The following CACHD1 variants were observed in gnomAD, a reference collection of about 807,000 sequenced individuals.
The protein encoded by CACHD1 is cache domain containing 1, also known as VWFA and cache domain-containing protein 1.
CACHD1 carries 71 observed loss-of-function variants against 138.7 expected under a neutral mutation model. The ratio of observed to expected loss-of-function variants is 0.51; its 90% CI spans 0.42 to 0.62. The LOEUF (loss-of-function observed/expected upper bound fraction) is 0.62. CACHD1 is among the 20% of genes least tolerant of loss of function. The pLI is 0.00. For synonymous variants in CACHD1, 578 were observed against 591.5 expected (o/e 0.98, Z 0.33); for missense variants, 1,389 against 1,625.3 (o/e 0.85, Z 2.50).
At chr1:64,627,235 T>C (rs1025084649) in intron 4 of CACHD1, among the ~76,000 whole-genome samples, 9 of 152,106 alleles carry the variant, frequency 5.9e-5, no homozygotes, top group Admixed American at 5.2e-4. Context: ...AGTGACACCC[T>C]GTCTCTACAA....
intron 2 of CACHD1, among the ~76,000 whole-genome samples, chr1:64,559,997 T>C (rs1646826885): frequency 6.6e-6 from 1 of 152,194 alleles, no homozygotes; most frequent in African/African-American, 2.4e-5. Flanking sequence ...TAAAGGTGTT[T>C]GTAATAATCT....
At chr1:64,689,828 A>G (rs1650490474) in intron 26 of CACHD1, among the ~76,000 whole-genome samples, 1 of 152,182 alleles carries the variant, frequency 6.6e-6, no homozygotes, top group South Asian at 2.1e-4. Flanking sequence ...CAACTAAAAT[A>G]TACATTCTCT....
chr1:64,600,202 C>G (rs1220558318), intron 3 of CACHD1, among the ~76,000 whole-genome samples: 1 of 152,152 alleles, frequency 6.6e-6, no homozygotes, highest in Non-Finnish European at 1.5e-5. Context: ...ATCAGAAGAT[C>G]CGGTGTCTTC....
At chr1:64,561,818 G>A (rs1473915169) in intron 2 of CACHD1, among the ~76,000 whole-genome samples, 5 of 145,486 alleles carry the variant, frequency 3.4e-5, no homozygotes, top group Admixed American at 2.8e-4. Flanking sequence ...TGATGATGCC[G>A]CTGCACTCCA....
intron 1 of CACHD1, among the ~76,000 whole-genome samples, chr1:64,471,699 C>T (rs1646145872): frequency 1.3e-5 from 2 of 152,152 alleles, no homozygotes; most frequent in African/African-American, 2.4e-5. Context: ...TCGTGTGTGC[C>T]TTTTTGGGTC....
At chr1:64,621,348 C>T (rs922160639) in intron 4 of CACHD1, among the ~76,000 whole-genome samples, 37 of 152,230 alleles carry the variant, frequency 2.4e-4, no homozygotes, top group African/African-American at 8.9e-4. Context: ...TGACTTATAT[C>T]TTCTAAGTCA....
rs146353530 is a variant in CACHD1, at chr1:64,579,642, A to G, written c.262-2514A>G. Among the ~76,000 whole-genome samples the G allele has an allele frequency of 2.6e-5, 4 of 152,310 alleles. No homozygotes were observed. The East Asian group carries it at 7.7e-4, about 29-fold the overall frequency. On this transcript the variant is annotated intron_variant, in intron 2 of 26. Coordinates refer to ENST00000651257, the MANE Select transcript of CACHD1 (RefSeq NM_020925.4). ...ACTTGCTTCTTGATGGAGCTTCCAG[A>G]AATACATATTGTTGTATATTTTAAA...
rs549772346 is a variant in CACHD1 at position 64,624,728 on chromosome 1, C to T, written c.518-4627C>T. Among the ~76,000 whole-genome samples, 1,302 of 152,268 alleles carry T rather than the reference C, an allele frequency of 8.6e-3. 10 individuals carry two copies. Among genetic ancestry groups the T allele is most frequent in the Non-Finnish European group, 0.013 (906 of 68,016 alleles). On this transcript the variant is annotated intron_variant, in intron 4 of 26. Coordinates refer to ENST00000651257, the MANE Select transcript of CACHD1 (RefSeq NM_020925.4). ...AAAAACAAGCTCCCTGAGCCTGTTTCCTCAGCTGTCACTTGGAGATAATAA... is the reference window on the plus strand; with the variant it reads ...AAAAACAAGCTCCCTGAGCCTGTTTTCTCAGCTGTCACTTGGAGATAATAA...
chr1:64,572,245 T>C (rs928817925), intron 2 of CACHD1, among the ~76,000 whole-genome samples: 15 of 152,214 alleles, frequency 9.9e-5, no homozygotes, highest in Non-Finnish European at 1.8e-4. Flanking sequence ...CGATTTTTTT[T>C]CTAAGGTCAA....
At chr1:64,576,340 G>A (rs1646966929) in intron 2 of CACHD1, among the ~76,000 whole-genome samples, 1 of 152,142 alleles carries the variant, frequency 6.6e-6, no homozygotes, top group Non-Finnish European at 1.5e-5. Flanking sequence ...TGGCTTTTTG[G>A]AAGGGTCTAC....
intron 1 of CACHD1, among the ~76,000 whole-genome samples, chr1:64,509,926 CAT>C (rs34676700): frequency 0.084 from 12,743 of 152,190 alleles, 617 homozygotes; most frequent in East Asian, 0.16. Context: ...TTCAGAAAAA[CAT>C]ATTTTTTAAA....
intron 1 of CACHD1, among the ~76,000 whole-genome samples, chr1:64,508,593 T>C (rs1454520949): frequency 1.3e-5 from 2 of 152,164 alleles, no homozygotes; most frequent in Non-Finnish European, 2.9e-5. Flanking sequence ...ATGAGTTGGG[T>C]CTGTCCTGGA....
In CACHD1 at chr1:64,501,472, C is replaced by T. The variant is rs867094661; in HGVS notation, c.198+30530C>T. Reference sequence around the variant, plus strand: ...TCTTGGATTTATTTTAGTCTAGGTTCCCCTCTTTGAACTGATTTATGCCTT... The same window carrying T: ...TCTTGGATTTATTTTAGTCTAGGTTTCCCTCTTTGAACTGATTTATGCCTT... On this transcript the variant is annotated intron_variant, in intron 1 of 26. Coordinates refer to ENST00000651257, the MANE Select transcript of CACHD1 (RefSeq NM_020925.4). Among the ~76,000 whole-genome samples, 44 of 152,284 alleles carry T rather than the reference C, an allele frequency of 2.9e-4. 1 individual carries two copies. Among genetic ancestry groups the T allele is most frequent in the Admixed American group, 1.1e-3 (17 of 15,292 alleles).
At chr1:64,497,556 T>C (rs189840354) in intron 1 of CACHD1, among the ~76,000 whole-genome samples, 47 of 152,224 alleles carry the variant, frequency 3.1e-4, no homozygotes, top group African/African-American at 9.9e-4. Context: ...TGGAGTCATA[T>C]AGTTCAGGAA....
chr1:64,486,008 A>C lies in CACHD1; in HGVS notation c.198+15066A>C, dbSNP rs187778584. On this transcript the variant is annotated intron_variant, in intron 1 of 26. Transcript: ENST00000651257. Reference sequence around the variant, plus strand: ...AATGTATGAAAGTCCTGGTTGCTCCACAGCCTCACCACAACTTGGTAGAAT... The same window carrying C: ...AATGTATGAAAGTCCTGGTTGCTCCCCAGCCTCACCACAACTTGGTAGAAT... 2.4e-3 allele frequency among the ~76,000 whole-genome samples: 372 copies of C among 152,276 alleles called. 3 individuals are homozygous for C. Among genetic ancestry groups the C allele is most frequent in the African/African-American group, 8.5e-3 (353 of 41,576 alleles).
At chr1:64,487,105 G>A (rs948973478) in intron 1 of CACHD1, among the ~76,000 whole-genome samples, 1 of 152,198 alleles carries the variant, frequency 6.6e-6, no homozygotes, top group Non-Finnish European at 1.5e-5. Flanking sequence ...GCGAGGATAG[G>A]ATCACTGTGG....
intron 1 of CACHD1, among the ~76,000 whole-genome samples, chr1:64,517,955 T>C (rs1646470996): frequency 6.6e-6 from 1 of 152,204 alleles, no homozygotes; most frequent in African/African-American, 2.4e-5. Flanking sequence ...TGATTAGATC[T>C]TAAGAGGGAA....
At chr1:64,656,078 A>G (rs139672577) in intron 12 of CACHD1, among the ~76,000 whole-genome samples, 35 of 152,350 alleles carry the variant, frequency 2.3e-4, no homozygotes, top group African/African-American at 7.2e-4. Context: ...ATCAGGAAAG[A>G]TAGGAATTGG....
At chr1:64,603,707 G>A (rs984060323) in intron 4 of CACHD1, among the ~76,000 whole-genome samples, 1 of 152,142 alleles carries the variant, frequency 6.6e-6, no homozygotes, top group African/African-American at 2.4e-5. Context: ...GAACTCAGCT[G>A]AAGGTGGTGT....
Sources: allele counts gnomAD v4.1 joint callset (sites outside exome capture counted in the v4.1 genomes callset), GRCh38; gene constraint gnomAD v4.1.1; transcripts MANE v1.5; gene names NCBI Gene and HGNC (gene_info 2026-07-23, HGNC 2026-07-21).